Variants in BAIAP2L1 observed in about 807,000 individuals in gnomAD.
The protein encoded by BAIAP2L1 is BAR/IMD domain-containing adapter protein 2-like 1.
A neutral mutation model predicts 66.3 loss-of-function variants in BAIAP2L1; 35 were observed. The observed-to-expected ratio is 0.53, with a 90% confidence interval of 0.40 to 0.70. BAIAP2L1 has a LOEUF of 0.70. Among genes scored for constraint, BAIAP2L1 ranks in the 30% least tolerant of loss-of-function variants. The pLI is 0.00. For synonymous variants in BAIAP2L1, 269 were observed against 248.7 expected (o/e 1.08, Z -0.77); for missense variants, 622 against 656.9 (o/e 0.95, Z 0.58).
At chr7:98,321,519 G>T (rs1009485044) in intron 3 of BAIAP2L1, among the ~76,000 whole-genome samples, 1 of 152,090 alleles carries the variant, frequency 6.6e-6, no homozygotes, top group African/African-American at 2.4e-5. Context: ...CCTCACCGCC[G>T]AGGGCAGCAA....
Position 98,352,566 on chromosome 7 carries a change from C to T in BAIAP2L1, c.214+2476G>A, listed in dbSNP as rs1169504345. 1.3e-5 allele frequency among the ~76,000 whole-genome samples: 2 copies of T among 152,126 alleles called. 1 individual carries two copies. On this transcript the variant is annotated intron_variant, in intron 3 of 13. Coordinates refer to ENST00000005260, the MANE Select transcript of BAIAP2L1 (RefSeq NM_018842.5). ...CTGAGGCATGAGAATTGCTTGAACC[C>T]TGGAGGCAGAGGCTGCAGGGAGCCA...
chr7:98,294,194 T>C (rs1345378559), intron 12 of BAIAP2L1, 83 bp from the exon 13 acceptor site: 11 of 1,467,650 alleles, frequency 7.5e-6, no homozygotes, highest in East Asian at 2.3e-5. Context: ...GGATTTGCTA[T>C]GTTGCCCAGG....
intron 9 of BAIAP2L1, chr7:98,310,209 T>C: frequency 4.2e-6 from 2 of 472,598 alleles, no homozygotes; most frequent in Non-Finnish European, 7.3e-6. Flanking sequence ...TAAACATCAG[T>C]CAGTGCGTAG....
intron 3 of BAIAP2L1, among the ~76,000 whole-genome samples, chr7:98,353,633 A>T (rs1025044389): frequency 7.2e-6 from 1 of 139,046 alleles, no homozygotes; most frequent in Admixed American, 8.0e-5. Flanking sequence ...ACATATATTT[A>T]TATATGTATA....
At chr7:98,370,908 T>C (rs1379015244) in intron 1 of BAIAP2L1, among the ~76,000 whole-genome samples, 1 of 152,202 alleles carries the variant, frequency 6.6e-6, no homozygotes, top group Non-Finnish European at 1.5e-5. Flanking sequence ...AAAAAAGCAA[T>C]GCTGCCTTTG....
chr7:98,393,647 G>A (rs973755220), intron 1 of BAIAP2L1, among the ~76,000 whole-genome samples: 1 of 151,240 alleles, frequency 6.6e-6, no homozygotes, highest in Non-Finnish European at 1.5e-5. Context: ...ACAGCCTCCC[G>A]CCACCGCGCC....
intron 2 of BAIAP2L1, among the ~76,000 whole-genome samples, chr7:98,356,863 C>A (rs1802132272): frequency 6.8e-6 from 1 of 146,468 alleles, no homozygotes; most frequent in Admixed American, 7.0e-5. Context: ...GGTGGTGGCA[C>A]ACGCCTATAG....
At chr7:98,395,303 G>A (rs1320015242) in intron 1 of BAIAP2L1, among the ~76,000 whole-genome samples, 4 of 152,060 alleles carry the variant, frequency 2.6e-5, no homozygotes, top group Non-Finnish European at 5.9e-5. Context: ...GCTGGGCATG[G>A]TGGCATAAGC....
At position 98,315,619 on chromosome 7, in the gene BAIAP2L1, A is replaced by ATAAT. The variant is rs879882613; in HGVS notation, c.487-8_487-7insATTA. The ATAAT allele has an allele frequency of 3.7e-5, 29 of 782,104 alleles. No homozygotes were observed. Among genetic ancestry groups the ATAAT allele is most frequent in the Non-Finnish European group, 5.1e-5 (29 of 572,970 alleles). The allele number at this position is 782,104 out of a possible 1,614,324, so 48.4% of individuals were successfully genotyped here. On this transcript the variant is annotated splice_polypyrimidine_tract_variant and splice_region_variant and intron_variant, in intron 6 of 13. Transcript: ENST00000005260. ...AAGTAACGGTCTCCACATACTAAAA[A>ATAAT]AAAAAAAATAATAATAATAATAATT... is the stretch of plus-strand genomic sequence containing the variant.
intron 3 of BAIAP2L1, among the ~76,000 whole-genome samples, chr7:98,341,533 A>T (rs1801741908): frequency 6.6e-6 from 1 of 152,060 alleles, no homozygotes; most frequent in Admixed American, 6.6e-5. Context: ...AAAATTTTTT[A>T]TTTTTTAAAA....
intron 3 of BAIAP2L1, among the ~76,000 whole-genome samples, chr7:98,345,597 G>T (rs554246827): frequency 7.9e-5 from 12 of 151,888 alleles, no homozygotes; most frequent in African/African-American, 2.9e-4. Flanking sequence ...TGGTGGGGGG[G>T]TACTGTAGTC....
chr7:98,324,161 G>C (rs1357558151), intron 3 of BAIAP2L1, among the ~76,000 whole-genome samples: 3 of 152,198 alleles, frequency 2.0e-5, no homozygotes, highest in African/African-American at 7.2e-5. Flanking sequence ...CCCCGGTTAC[G>C]TTTGGAGTCA....
intron 5 of BAIAP2L1, 42 bp downstream of exon 5, chr7:98,320,016 A>T: frequency 2.0e-6 from 3 of 1,532,164 alleles, no homozygotes; most frequent in Non-Finnish European, 1.8e-6. Context: ...CTGGGAGGTC[A>T]GGCAGCCCAA....
chr7:98,328,162 T>C (rs1019437943), intron 3 of BAIAP2L1, among the ~76,000 whole-genome samples: 3 of 151,934 alleles, frequency 2.0e-5, no homozygotes, highest in African/African-American at 7.3e-5. Flanking sequence ...CTCTGAGTAA[T>C]AGAATACAAG....
chr7:98,348,980 T>C (rs1801938025), intron 3 of BAIAP2L1, among the ~76,000 whole-genome samples: 1 of 152,232 alleles, frequency 6.6e-6, no homozygotes, highest in South Asian at 2.1e-4. Flanking sequence ...GGTCAAAGGA[T>C]CTTTCCCGGA....
intron 1 of BAIAP2L1, among the ~76,000 whole-genome samples, chr7:98,384,751 G>A (rs1213199642): frequency 4.8e-5 from 7 of 144,432 alleles, no homozygotes; most frequent in Admixed American, 2.2e-4. Context: ...AGGCTGGAGC[G>A]TAGGTGGCAC....
intron 3 of BAIAP2L1, among the ~76,000 whole-genome samples, chr7:98,346,558 C>A (rs1400611704): frequency 1.3e-5 from 2 of 152,054 alleles, no homozygotes; most frequent in Non-Finnish European, 2.9e-5. Flanking sequence ...CTAGAATATC[C>A]AAGGTACTCT....
rs773169822 is a variant in BAIAP2L1, at chr7:98,307,986, T to G, written c.956-90A>C. The G allele has an allele frequency of 2.4e-6, 3 of 1,258,142 alleles. No individual in the cohort carries two copies. In the South Asian group the frequency reaches 3.6e-5, roughly 15 times the overall value. The allele number at this position is 1,258,142 out of a possible 1,614,324, so 77.9% of individuals were successfully genotyped here. ...GAGCAAACCCCAGGAATCCACCTGT[T>G]CTCATCTTGCCAACAATGCTCCTTC... On this transcript the variant is annotated intron_variant, in intron 9 of 13. Transcript: ENST00000005260.
At chr7:98,315,243 T>A (rs979096500) in intron 7 of BAIAP2L1, among the ~76,000 whole-genome samples, 4 of 151,970 alleles carry the variant, frequency 2.6e-5, no homozygotes, top group African/African-American at 9.7e-5. Flanking sequence ...CACCTCAGCC[T>A]CCTGAGTAGC....
Sources: gnomAD v4.1 joint callset for allele counts (sites outside exome capture counted in the v4.1 genomes callset) on GRCh38, gnomAD v4.1.1 for gene constraint, MANE v1.5 for transcripts, NCBI Gene and HGNC (gene_info 2026-07-23, HGNC 2026-07-21) for gene names.